OPA1: variants seen among roughly 807,000 people sequenced by gnomAD.
OPA1 encodes the protein OPA1 mitochondrial dynamin like GTPase.
Under a neutral mutation model 152.9 loss-of-function variants are expected in OPA1, and 59 were observed. The ratio of observed to expected loss-of-function variants is 0.39; its 90% CI spans 0.31 to 0.48. The LOEUF (loss-of-function observed/expected upper bound fraction) is 0.48, where lower values mean the gene tolerates loss of function less well. Among genes scored for constraint, OPA1 ranks in the 20% least tolerant of loss-of-function variants. OPA1 has a pLI of 0.96. For synonymous variants in OPA1, 400 were observed against 389.9 expected (o/e 1.03, Z -0.31); for missense variants, 1,008 against 1,216.8 (o/e 0.83, Z 2.55).
intron 5 of OPA1, chr3:193,618,496 AG>A: frequency 4.8e-6 from 1 of 209,470 alleles, no homozygotes; most frequent in Non-Finnish European, 9.6e-6. Flanking sequence ...AAAAAAAAAA[AG>A]AAAAGAAAAA....
At chr3:193,637,311 A>G (rs747664925) in intron 10 of OPA1, 30 bp downstream of exon 10, 2 of 1,445,778 alleles carry the variant, frequency 1.4e-6, no homozygotes. Flanking sequence ...TGAACTTGCC[A>G]ATTAGCAAAA....
chr3:193,652,765 G>A (rs1313942779), intron 21 of OPA1, among the ~76,000 whole-genome samples: 1 of 152,142 alleles, frequency 6.6e-6, no homozygotes, highest in Non-Finnish European at 1.5e-5. Context: ...GGGGAGCAGT[G>A]GGAGTCTGAG....
chr3:193,637,872 C>G (rs1429841003), intron 10 of OPA1, 80 bp from the exon 11 acceptor site: 5 of 1,158,280 alleles, frequency 4.3e-6, no homozygotes, highest in Non-Finnish European at 6.4e-6. Context: ...CTAAAAAACT[C>G]AGAGCAGCAT....
At chr3:193,671,350 G>A (rs1717876944) in intron 29 of OPA1, among the ~76,000 whole-genome samples, 1 of 152,118 alleles carries the variant, frequency 6.6e-6, no homozygotes, top group African/African-American at 2.4e-5. Flanking sequence ...CAATACATGA[G>A]ACAAACCCAA....
intron 29 of OPA1, among the ~76,000 whole-genome samples, chr3:193,674,972 G>A (rs558108441): frequency 2.0e-5 from 3 of 152,222 alleles, no homozygotes; most frequent in South Asian, 2.1e-4. Flanking sequence ...CCGTGTACCC[G>A]CCTGCCCCTG....
At chr3:193,674,956 C>T (rs1323183806) in intron 29 of OPA1, among the ~76,000 whole-genome samples, 2 of 152,122 alleles carry the variant, frequency 1.3e-5, no homozygotes, top group Non-Finnish European at 2.9e-5. Context: ...TTGCCATCCC[C>T]GATTACCGTG....
rs1722109455 is a variant in OPA1 at position 193,694,793 on chromosome 3, T to C, written c.*193T>C. 6.6e-6 allele frequency: 1 copy of C among 152,352 alleles called. No individual in the cohort carries two copies. Among genetic ancestry groups the C allele is most frequent in the Admixed American group, 6.5e-5 (1 of 15,308 alleles). The allele number at this position is 152,352 out of a possible 1,614,324, so 9.4% of individuals were successfully genotyped here. On this transcript the variant is annotated 3_prime_UTR_variant, in exon 31 of 31. Coordinates refer to ENST00000361510, the MANE Select transcript of OPA1 (RefSeq NM_130837.3). Reference sequence around the variant, plus strand: ...CTCTCGAATGGAAGAACAGTGGTAATGGATTAACATCCTATTTTGTTGTAC... The same window carrying C: ...CTCTCGAATGGAAGAACAGTGGTAACGGATTAACATCCTATTTTGTTGTAC...
At chr3:193,672,553 A>G (rs1718160217) in intron 29 of OPA1, among the ~76,000 whole-genome samples, 1 of 152,122 alleles carries the variant, frequency 6.6e-6, no homozygotes, top group Non-Finnish European at 1.5e-5. Flanking sequence ...GGCATTATTG[A>G]TCATTTAGAT....
At position 193,666,227 on chromosome 3, in the gene OPA1, G is replaced by A. The variant is rs1010734563; in HGVS notation, c.2779-69G>A. 8 of 1,281,454 alleles carry A rather than the reference G, an allele frequency of 6.2e-6. No individual in the cohort carries two copies. In the Admixed American group the frequency reaches 8.4e-5, roughly 13 times the overall value. The allele number at this position is 1,281,454 out of a possible 1,614,324, so 79.4% of individuals were successfully genotyped here. ...GACATATCTACTGGTTCTAGTAGTT[G>A]TATGTGTTTACGATGATAGTTTTCA... On this transcript the variant is annotated intron_variant, in intron 27 of 30. Transcript: ENST00000361510.
intron 11 of OPA1, among the ~76,000 whole-genome samples, chr3:193,642,295 G>C (rs1362477801): frequency 6.6e-6 from 1 of 152,088 alleles, no homozygotes. Context: ...TCTAAAACTG[G>C]GACAGTCAGC....
intron 30 of OPA1, among the ~76,000 whole-genome samples, chr3:193,692,885 GA>G (rs374862325): frequency 1.4e-3 from 206 of 152,350 alleles, no homozygotes; most frequent in South Asian, 0.013. Context: ...GCCTCTCAAG[GA>G]ACTGGGGCCA....
intron 29 of OPA1, among the ~76,000 whole-genome samples, chr3:193,680,009 G>A (rs1719875700): frequency 6.6e-6 from 1 of 152,062 alleles, no homozygotes; most frequent in African/African-American, 2.4e-5. Context: ...TCTGAAATCA[G>A]CCTAACATGA....
intron 8 of OPA1, 95 bp from the exon 9 acceptor site, chr3:193,635,323 A>ATGACT (rs1170152130): frequency 1.9e-5 from 14 of 737,090 alleles, no homozygotes; most frequent in Middle Eastern, 3.7e-4. Flanking sequence ...AATAGGAGAT[A>ATGACT]TGACTTCAAG....
chr3:193,669,008 T>G (rs896989700), intron 29 of OPA1: 1 of 304,968 alleles, frequency 3.3e-6, no homozygotes, highest in Non-Finnish European at 4.9e-6. Context: ...TCTTTCAACG[T>G]GTACTTAAAT....
intron 29 of OPA1, among the ~76,000 whole-genome samples, chr3:193,672,701 T>G (rs1718193818): frequency 1.3e-5 from 2 of 152,030 alleles, no homozygotes; most frequent in African/African-American, 2.4e-5. Context: ...AAACCCCGTC[T>G]CTACTAAAAA....
At chr3:193,660,297 T>C (rs1315360441) in intron 25 of OPA1, among the ~76,000 whole-genome samples, 1 of 152,206 alleles carries the variant, frequency 6.6e-6, no homozygotes, top group Non-Finnish European at 1.5e-5. Context: ...TTCAGTCTTA[T>C]ACCACTGTCT....
At chr3:193,606,318 C>A (rs1210183335) in intron 1 of OPA1, among the ~76,000 whole-genome samples, 1 of 151,886 alleles carries the variant, frequency 6.6e-6, no homozygotes, top group Non-Finnish European at 1.5e-5. Flanking sequence ...GCACAACGTG[C>A]AGGTTTGTTA....
chr3:193,625,334 C>T (rs997240633), intron 6 of OPA1, among the ~76,000 whole-genome samples: 3 of 152,018 alleles, frequency 2.0e-5, no homozygotes, highest in African/African-American at 7.2e-5. Flanking sequence ...ACTATATTGT[C>T]TCCATATCTT....
chr3:193,593,281 C>T lies in OPA1; in HGVS notation c.-97C>T. 1 of 1,345,190 alleles carries T rather than the reference C, an allele frequency of 7.4e-7. No homozygotes were observed. The highest frequency in any genetic ancestry group is 1.0e-6 in the Non-Finnish European group (1 of 998,436). The allele number at this position is 1,345,190 out of a possible 1,614,324, so 83.3% of individuals were successfully genotyped here. Reference sequence around the variant, plus strand: ...TCTGTGCCCTTGCTGCTGAGGGCCACTTCCTGGGTCATTCCTGGACCGGGA... The same window carrying T: ...TCTGTGCCCTTGCTGCTGAGGGCCATTTCCTGGGTCATTCCTGGACCGGGA... On this transcript the variant is annotated 5_prime_UTR_variant, in exon 1 of 31. Coordinates refer to ENST00000361510, the MANE Select transcript of OPA1 (RefSeq NM_130837.3).
Sources: allele counts gnomAD v4.1 joint callset (sites outside exome capture counted in the v4.1 genomes callset), GRCh38; gene constraint gnomAD v4.1.1; transcripts MANE v1.5; gene names NCBI Gene and HGNC (gene_info 2026-07-23, HGNC 2026-07-21).